The following GUCY2C variants were observed in gnomAD, a reference collection of about 807,000 sequenced individuals.
GUCY2C encodes guanylate cyclase 2C.
In GUCY2C, 118 loss-of-function variants were observed where a neutral mutation model predicts 131.1. That is an observed-to-expected ratio of 0.90 (90% CI 0.78 to 1.05). The LOEUF is 1.05. Ranked by LOEUF, GUCY2C falls within the 50% of genes least tolerant of loss-of-function variation. The pLI is 0.00. For missense variants in GUCY2C, 1,161 were observed against 1,304.4 expected, an observed-to-expected ratio of 0.89 and a Z score of 1.69; for synonymous variants, 452 against 457.8, an observed-to-expected ratio of 0.99 and a Z score of 0.16.
At chr12:14,660,600 A>G (rs1947848947) in intron 11 of GUCY2C, among the ~76,000 whole-genome samples, 1 of 152,232 alleles carries the variant, frequency 6.6e-6, no homozygotes, top group African/African-American at 2.4e-5. Context: ...CATAATAAAA[A>G]TAACTATTTT....
intron 20 of GUCY2C, among the ~76,000 whole-genome samples, chr12:14,628,129 T>C (rs1236199084): frequency 1.3e-5 from 2 of 152,126 alleles, no homozygotes; most frequent in African/African-American, 4.8e-5. Context: ...CTGCAGTGTA[T>C]TAACTGAAAA....
In GUCY2C at chr12:14,672,907, A is replaced by C; in HGVS notation, c.1136T>G (p.Met379Arg). The C allele has an allele frequency of 6.2e-7, 1 of 1,608,704 alleles. No individual in the cohort carries two copies. Among genetic ancestry groups the C allele is most frequent in the Non-Finnish European group, 8.5e-7 (1 of 1,175,060 alleles). The change falls in exon 9 of 27, where the codon ATG (methionine) becomes AGG (arginine). Residue 379 changes from methionine to arginine, a missense_variant. Transcript: ENST00000261170. ...GTCCACAGAGGTATACAGAAGCACC[A>C]TGGTACTGTCAACATCCCCCCAGTC... The part of the protein sequence containing the change: ...LDDWGDVDST[M>R]VLLYTSVDTK...
At chr12:14,691,445 T>C (rs1232395133) in intron 1 of GUCY2C, among the ~76,000 whole-genome samples, 2 of 152,052 alleles carry the variant, frequency 1.3e-5, no homozygotes, top group Non-Finnish European at 2.9e-5. Flanking sequence ...GAGAACAGAA[T>C]GAATGAGGCT....
At chr12:14,650,468 G>C (rs1229275404) in intron 15 of GUCY2C, among the ~76,000 whole-genome samples, 1 of 152,202 alleles carries the variant, frequency 6.6e-6, no homozygotes, top group East Asian at 1.9e-4. Context: ...AGATGGTCTC[G>C]ATCTCCTGAC....
intron 7 of GUCY2C, among the ~76,000 whole-genome samples, chr12:14,675,139 A>G (rs965358182): frequency 1.5e-5 from 2 of 133,864 alleles, no homozygotes; most frequent in African/African-American, 5.6e-5. Context: ...TGAACCCAGG[A>G]GGTGGAGGTT....
Position 14,674,637 on chromosome 12 carries a change from G to A in GUCY2C, c.1072C>T (p.Leu358Phe), listed in dbSNP as rs1194275873. 9.9e-6 allele frequency: 16 copies of A among 1,613,574 alleles called. No homozygotes were observed. The highest frequency in any genetic ancestry group is 1.4e-5 in the Non-Finnish European group (16 of 1,179,704). ...AGTAGACCAGTACCTTCAAAAGTGA[G>A]ATTCCTGAAAGCATGAGCAAATTTG... Reference protein sequence around the residue: ...TPKFAHAFRNLTFEGYDGPVT... With the variant: ...TPKFAHAFRNFTFEGYDGPVT... Residue 358 changes from leucine to phenylalanine, a missense_variant, in exon 8 of 27, where the codon CTC becomes TTC. By Grantham distance (22) the Leu-to-Phe change is conservative. Transcript: ENST00000261170.
intron 10 of GUCY2C, among the ~76,000 whole-genome samples, chr12:14,665,378 A>G (rs1947957360): frequency 6.6e-6 from 1 of 152,156 alleles, no homozygotes; most frequent in Non-Finnish European, 1.5e-5. Context: ...GCTTTAAGGA[A>G]GTAGGGAGGA....
intron 1 of GUCY2C, among the ~76,000 whole-genome samples, chr12:14,692,048 C>A (rs1258854690): frequency 1.3e-5 from 2 of 152,150 alleles, no homozygotes; most frequent in Non-Finnish European, 2.9e-5. Flanking sequence ...CTAGGGAAGT[C>A]TAATTCTAGA....
intron 11 of GUCY2C, among the ~76,000 whole-genome samples, chr12:14,659,340 G>A (rs1947821480): frequency 6.6e-6 from 1 of 152,072 alleles, no homozygotes; most frequent in African/African-American, 2.4e-5. Flanking sequence ...ACTGTGTTCG[G>A]CCACCAACAT....
At chr12:14,631,288 A>G (rs247344) in intron 19 of GUCY2C, among the ~76,000 whole-genome samples, 2 of 152,058 alleles carry the variant, frequency 1.3e-5, no homozygotes, top group East Asian at 3.9e-4. Context: ...TGTGCAGGTT[A>G]GTTACATATG....
intron 12 of GUCY2C, 40 bp downstream of exon 12, chr12:14,656,472 C>G: frequency 1.0e-6 from 1 of 999,728 alleles, no homozygotes; most frequent in East Asian, 2.4e-5. Flanking sequence ...AAATACCTGC[C>G]AAATTGAACC....
At chr12:14,653,078 A>G (rs1453740879) in intron 12 of GUCY2C, 64 bp from the exon 13 acceptor site, 2 of 1,175,520 alleles carry the variant, frequency 1.7e-6, no homozygotes, top group African/African-American at 1.5e-5. Context: ...CTGCCTGTCA[A>G]AGGCTGAGAG....
At chr12:14,635,758 A>G (rs1011054520) in intron 19 of GUCY2C, among the ~76,000 whole-genome samples, 2 of 152,190 alleles carry the variant, frequency 1.3e-5, no homozygotes, top group Admixed American at 1.3e-4. Context: ...ACAAAATCAG[A>G]AATTAGAAAA....
At chr12:14,619,365 T>C in intron 23 of GUCY2C, 56 bp from the exon 24 acceptor site, 1 of 1,055,718 alleles carries the variant, frequency 9.5e-7, no homozygotes, top group Non-Finnish European at 1.5e-6. Flanking sequence ...CAGAGTAGAG[T>C]GAAGACAGGT....
chr12:14,682,810 G>A (rs1208221772), intron 4 of GUCY2C, among the ~76,000 whole-genome samples: 3 of 152,106 alleles, frequency 2.0e-5, no homozygotes, highest in South Asian at 2.1e-4. Context: ...TGATGTGAAC[G>A]TACTTTCAAA....
chr12:14,621,171 T>C lies in GUCY2C; in HGVS notation c.2647A>G (p.Lys883Glu), dbSNP rs757842838. The C allele has an allele frequency of 6.2e-7, 1 of 1,613,766 alleles. No individual in the cohort carries two copies. Among genetic ancestry groups the C allele is most frequent in the Non-Finnish European group, 8.5e-7 (1 of 1,179,854 alleles). Residue 883 changes from lysine to glutamate, a missense_variant, in exon 23 of 27, where the codon AAG (lysine) becomes GAG (glutamate). By Grantham distance (56) the Lys-to-Glu change is moderately conservative. Coordinates refer to ENST00000261170, the MANE Select transcript of GUCY2C (RefSeq NM_004963.4). ...DAYMVASGLP[K>E]RNGNRHAIDI... ...ATTGCATGCCGATTGCCATTTCTCT[T>C]AGGCAAACCACTAGCCACCATGTAC...
Position 14,676,881 on chromosome 12 carries a change from A to G in GUCY2C, c.921T>C (p.Asn307=). ...LTLSPGNSLL[N]SSFSRNLSPT... is the part of the protein sequence containing the mutation. ...GTGATAGATTCCTGGAGAAAGAGCT[A>G]TTTAGAAGGGAATTCCCAGGAGACA... is the stretch of plus-strand genomic sequence containing the variant. Residue 307 remains asparagine, a synonymous_variant, in exon 7 of 27, where the codon AAT becomes AAC. Coordinates refer to ENST00000261170, the MANE Select transcript of GUCY2C (RefSeq NM_004963.4). The G allele has an allele frequency of 1.3e-6, 2 of 1,504,568 alleles. No homozygotes were observed. The highest frequency in any genetic ancestry group is 1.8e-6 in the Non-Finnish European group (2 of 1,095,414). 93.2% of individuals were successfully genotyped at this position (1,504,568 alleles called of 1,614,324 possible). A position where few individuals can be genotyped will look rare whatever the true frequency, so the allele number is the denominator to read the frequency against.
intron 8 of GUCY2C, among the ~76,000 whole-genome samples, chr12:14,673,952 G>C (rs533292141): frequency 6.6e-6 from 1 of 152,142 alleles, no homozygotes. Context: ...GCTGCCCTCC[G>C]AAGCCTACAG....
At chr12:14,657,634 A>G (rs1947787873) in intron 11 of GUCY2C, among the ~76,000 whole-genome samples, 1 of 152,146 alleles carries the variant, frequency 6.6e-6, no homozygotes, top group Non-Finnish European at 1.5e-5. Flanking sequence ...AGATTCTCAC[A>G]GGACCGCGAA....
Sources: allele counts gnomAD v4.1 joint callset (sites outside exome capture counted in the v4.1 genomes callset), GRCh38; gene constraint gnomAD v4.1.1; transcripts MANE v1.5; gene names NCBI Gene and HGNC (gene_info 2026-07-23, HGNC 2026-07-21).